Variants in RIMKLB observed in about 807,000 individuals in gnomAD.
RIMKLB encodes the protein beta-citrylglutamate synthase B.
RIMKLB carries 7 observed loss-of-function variants against 32.0 expected under a neutral mutation model. The observed-to-expected ratio is 0.22, with a 90% confidence interval of 0.12 to 0.41. The LOEUF is 0.41. RIMKLB is among the 10% of genes least tolerant of loss of function. The probability of loss-of-function intolerance (pLI) is 1.00; values close to 1 mark genes in which losing one functional copy is unlikely to be tolerated. For synonymous variants in RIMKLB, 172 were observed against 185.1 expected, an observed-to-expected ratio of 0.93 and a Z score of 0.57; for missense variants, 289 against 498.7, an observed-to-expected ratio of 0.58 and a Z score of 4.00.
intron 1 of RIMKLB, among the ~76,000 whole-genome samples, chr12:8,708,781 C>T (rs1296847590): frequency 6.6e-6 from 1 of 152,124 alleles, no homozygotes. Flanking sequence ...TTTAAGATTC[C>T]CATATACTCA....
chr12:8,673,163 T>C, the RIMKLB span, among the ~76,000 whole-genome samples: 2 of 152,080 alleles, frequency 1.3e-5, no homozygotes, highest in Non-Finnish European at 2.9e-5. Context: ...ATTACAGGCC[T>C]GAGCCACCAT....
At chr12:8,725,135 T>G (rs1157041358) in intron 2 of RIMKLB, among the ~76,000 whole-genome samples, 1 of 152,222 alleles carries the variant, frequency 6.6e-6, no homozygotes, top group Non-Finnish European at 1.5e-5. Flanking sequence ...AATTACTTGT[T>G]ACACACAGAC....
intron 5 of RIMKLB, among the ~76,000 whole-genome samples, chr12:8,771,570 TCTAGCTTCAATTCTAC>T (rs1950398608): frequency 6.6e-6 from 1 of 152,126 alleles, no homozygotes; most frequent in African/African-American, 2.4e-5. Flanking sequence ...ATTGTAAGAG[TCTAGCTTCAATTCTAC>T]TGCCTTGAAG....
intron 1 of RIMKLB, among the ~76,000 whole-genome samples, chr12:8,700,789 G>A (rs1943322044): frequency 6.6e-6 from 1 of 152,166 alleles, no homozygotes; most frequent in South Asian, 2.1e-4. Flanking sequence ...TATGTGGCCT[G>A]GCGCAGTGGC....
chr12:8,704,945 G>A (rs748399040), intron 1 of RIMKLB, among the ~76,000 whole-genome samples: 3 of 148,678 alleles, frequency 2.0e-5, no homozygotes, highest in Admixed American at 2.0e-4. Context: ...CTGCAGGCTT[G>A]GTGCAGAGCA....
At chr12:8,731,649 A>C (rs1946557713) in intron 2 of RIMKLB, among the ~76,000 whole-genome samples, 1 of 152,040 alleles carries the variant, frequency 6.6e-6, no homozygotes, top group Non-Finnish European at 1.5e-5. Context: ...TAAATTGTGG[A>C]GAGTCAGTTA....
chr12:8,731,056 G>T (rs1946492564), intron 2 of RIMKLB, among the ~76,000 whole-genome samples: 1 of 148,604 alleles, frequency 6.7e-6, no homozygotes, highest in Admixed American at 6.8e-5. Context: ...CAGCTTTCTT[G>T]ATTGGGCATT....
At chr12:8,712,004 G>A (rs911798988) in intron 1 of RIMKLB, among the ~76,000 whole-genome samples, 1 of 152,040 alleles carries the variant, frequency 6.6e-6, no homozygotes, top group Admixed American at 6.5e-5. Context: ...TGGTTAAAAT[G>A]GAAATCTCTT....
At chr12:8,768,197 TA>T (rs879069324) in intron 5 of RIMKLB, among the ~76,000 whole-genome samples, 1 of 152,208 alleles carries the variant, frequency 6.6e-6, no homozygotes, top group Admixed American at 6.5e-5. Flanking sequence ...CCCAGGCACT[TA>T]GTTGTGCAGG....
intron 1 of RIMKLB, among the ~76,000 whole-genome samples, chr12:8,699,077 C>T (rs1455690362): frequency 6.6e-6 from 1 of 152,030 alleles, no homozygotes; most frequent in Non-Finnish European, 1.5e-5. Context: ...TGGCGAATAG[C>T]GATGGGGTGG....
chr12:8,779,730 A>T (rs949604013), downstream of RIMKLB: 1 of 152,164 alleles, frequency 6.6e-6, no homozygotes, highest in Non-Finnish European at 1.5e-5. Context: ...TTAATAGCTA[A>T]TGTAGAATAA....
chr12:8,752,934 C>T (rs1210042364), intron 4 of RIMKLB, among the ~76,000 whole-genome samples: 1 of 151,962 alleles, frequency 6.6e-6, no homozygotes, highest in African/African-American at 2.4e-5. Flanking sequence ...TTAGTAGAGA[C>T]GGGGTTTCAC....
At chr12:8,709,119 A>G (rs1944147774) in intron 1 of RIMKLB, among the ~76,000 whole-genome samples, 1 of 152,228 alleles carries the variant, frequency 6.6e-6, no homozygotes, top group Admixed American at 6.5e-5. Context: ...ATTTTCTTAC[A>G]GTTATCTTAT....
intron 1 of RIMKLB, among the ~76,000 whole-genome samples, chr12:8,711,062 C>T (rs1388689302): frequency 6.6e-6 from 1 of 151,030 alleles, no homozygotes; most frequent in Non-Finnish European, 1.5e-5. Context: ...CCCATATCTA[C>T]TAAAAAGAGA....
intron 2 of RIMKLB, 60 bp downstream of exon 2, chr12:8,714,101 G>A: frequency 5.7e-6 from 8 of 1,415,042 alleles, no homozygotes; most frequent in Non-Finnish European, 7.9e-6. Context: ...GAATCTGCAT[G>A]TTTTAGGAAT....
intron 2 of RIMKLB, among the ~76,000 whole-genome samples, chr12:8,734,838 G>A (rs1946853132): frequency 6.6e-6 from 1 of 152,120 alleles, no homozygotes; most frequent in Admixed American, 6.5e-5. Flanking sequence ...TCCAGATGGA[G>A]AAAGTAATAA....
chr12:8,669,924 G>A, the RIMKLB span, among the ~76,000 whole-genome samples: 9 of 151,326 alleles, frequency 5.9e-5, no homozygotes, highest in Non-Finnish European at 1.2e-4. Context: ...CTACTCGGGA[G>A]GCTGAGGCAG....
intron 1 of RIMKLB, among the ~76,000 whole-genome samples, chr12:8,682,776 A>T (rs1023618553): frequency 2.8e-5 from 4 of 141,290 alleles, no homozygotes; most frequent in African/African-American, 1.1e-4. Context: ...CCGCCTCAAA[A>T]AAAAATAAAA....
At chr12:8,687,377 C>T (rs1942607477) in intron 1 of RIMKLB, among the ~76,000 whole-genome samples, 1 of 152,192 alleles carries the variant, frequency 6.6e-6, no homozygotes, top group Admixed American at 6.5e-5. Flanking sequence ...GGATTTTCCT[C>T]TTCATTACTG....
Sources: allele counts gnomAD v4.1 joint callset (sites outside exome capture counted in the v4.1 genomes callset), GRCh38; gene constraint gnomAD v4.1.1; transcripts MANE v1.5; gene names NCBI Gene and HGNC (gene_info 2026-07-23, HGNC 2026-07-21).